Variants in RARS2 observed in about 807,000 individuals in gnomAD.
RARS2 encodes arginyl-tRNA synthetase 2, mitochondrial.
In RARS2, 67 loss-of-function variants were observed where a neutral mutation model predicts 88.5. The ratio of observed to expected loss-of-function variants is 0.76; its 90% CI spans 0.62 to 0.93. The LOEUF is 0.93. Among genes scored for constraint, RARS2 ranks in the 40% least tolerant of loss-of-function variants. The probability of loss-of-function intolerance (pLI) is 0.00; values close to 1 mark genes in which losing one functional copy is unlikely to be tolerated. For synonymous variants in RARS2, 239 were observed against 230.3 expected, an observed-to-expected ratio of 1.04 and a Z score of -0.34; for missense variants, 664 against 684.2, an observed-to-expected ratio of 0.97 and a Z score of 0.33.
chr6:87,565,281 G>C (rs1767528401), intron 2 of RARS2, among the ~76,000 whole-genome samples: 1 of 151,880 alleles, frequency 6.6e-6, no homozygotes, highest in Admixed American at 6.6e-5. Context: ...TTTAAATGTT[G>C]TAATTTGAGT....
chr6:87,584,446 G>T (rs148409715), intron 1 of RARS2, among the ~76,000 whole-genome samples: 1 of 151,990 alleles, frequency 6.6e-6, no homozygotes, highest in Non-Finnish European at 1.5e-5. Context: ...AGCAAAATAC[G>T]GCACCGTACA....
chr6:87,519,732 C>G, intron 13 of RARS2, 25 bp from the exon 14 acceptor site: 1 of 1,613,696 alleles, frequency 6.2e-7, no homozygotes, highest in South Asian at 1.1e-5. Flanking sequence ...ATCTAGTTAA[C>G]TGAAAGCTAA....
At chr6:87,565,508 T>G (rs1489011051) in intron 2 of RARS2, among the ~76,000 whole-genome samples, 1 of 152,158 alleles carries the variant, frequency 6.6e-6, no homozygotes, top group East Asian at 1.9e-4. Flanking sequence ...AACAAATATA[T>G]ATCAGTGACT....
In RARS2 at chr6:87,514,503, C is replaced by T. The variant is rs2127985873; in HGVS notation, c.1651-4G>A. The T allele has an allele frequency of 1.3e-6, 2 of 1,597,802 alleles. No individual in the cohort carries two copies. The highest frequency in any genetic ancestry group is 4.5e-5 in the East Asian group (2 of 44,706). Reference sequence around the variant, plus strand: ...CTTTGAAAAGATGAAGTCTGGCCTACAAAATAAATCAAAGAATGATTTAAA... The same window carrying T: ...CTTTGAAAAGATGAAGTCTGGCCTATAAAATAAATCAAAGAATGATTTAAA... On this transcript the variant is annotated splice_polypyrimidine_tract_variant and splice_region_variant and intron_variant, in intron 19 of 19. Coordinates refer to ENST00000369536, the MANE Select transcript of RARS2 (RefSeq NM_020320.5).
At chr6:87,580,539 T>C (rs983089325) in intron 1 of RARS2, among the ~76,000 whole-genome samples, 13 of 151,224 alleles carry the variant, frequency 8.6e-5, no homozygotes, top group African/African-American at 2.2e-4. Context: ...CTTTGGGAGG[T>C]TGAGGCGGGT....
chr6:87,537,495 T>G (rs548150747), intron 8 of RARS2, among the ~76,000 whole-genome samples: 115 of 152,310 alleles, frequency 7.6e-4, no homozygotes, highest in African/African-American at 2.7e-3. Context: ...TAATAGTTAC[T>G]TATTTCCTGG....
intron 1 of RARS2, among the ~76,000 whole-genome samples, chr6:87,571,878 A>G (rs1455490441): frequency 6.6e-6 from 1 of 152,168 alleles, no homozygotes; most frequent in Non-Finnish European, 1.5e-5. Context: ...TTGATTTTTT[A>G]AAGTTTCCTC....
intron 8 of RARS2, among the ~76,000 whole-genome samples, chr6:87,532,555 G>A (rs562320247): frequency 1.3e-5 from 2 of 152,320 alleles, no homozygotes; most frequent in South Asian, 4.1e-4. Flanking sequence ...ATTTGCTGCT[G>A]GAAGTATGTG....
chr6:87,584,804 T>C (rs1774643582), intron 1 of RARS2: 6 of 443,628 alleles, frequency 1.4e-5, no homozygotes, highest in South Asian at 8.1e-5. Context: ...TGCAGTTATC[T>C]ACCCCAAGAC....
In RARS2 at chr6:87,518,654, T is replaced by C. The variant is rs1161514736; in HGVS notation, c.1391A>G (p.Gln464Arg). ...CCTGTGGAGGCGGGCGTGTGTGTACTGTAGGAAGACTCCTGTGTCCCCGCG... is the reference window on the plus strand; with the variant it reads ...CCTGTGGAGGCGGGCGTGTGTGTACCGTAGGAAGACTCCTGTGTCCCCGCG... ...QSRGDTGVFL[Q>R]YTHARLHSLE... The change falls in exon 16 of 20, where the codon CAG (glutamine) becomes CGG (arginine). Residue 464 changes from glutamine (Q) to arginine (R), a missense_variant. Transcript: ENST00000369536. 8 of 1,613,744 alleles carry C rather than the reference T, an allele frequency of 5.0e-6. No homozygotes were observed. In the East Asian group the frequency reaches 1.1e-4, roughly 22 times the overall value.
At chr6:87,519,733 T>C in intron 13 of RARS2, 26 bp from the exon 14 acceptor site, 1 of 1,613,654 alleles carries the variant, frequency 6.2e-7, no homozygotes, top group Non-Finnish European at 8.5e-7. Context: ...TCTAGTTAAC[T>C]GAAAGCTAAA....
intron 8 of RARS2, among the ~76,000 whole-genome samples, chr6:87,536,902 G>GTCCCACGTACAAA (rs1289937505): frequency 2.6e-5 from 4 of 152,140 alleles, no homozygotes; most frequent in Admixed American, 1.3e-4. Context: ...AAAATCCTAG[G>GTCCCACGTACAAA]TCCCACGTAC....
At chr6:87,535,076 C>T (rs952248742) in intron 8 of RARS2, among the ~76,000 whole-genome samples, 12 of 152,160 alleles carry the variant, frequency 7.9e-5, no homozygotes, top group Admixed American at 5.2e-4. Context: ...CTGACTCTTA[C>T]AAGTGATAGC....
At chr6:87,546,475 A>G (rs540734381) in intron 6 of RARS2, among the ~76,000 whole-genome samples, 1 of 152,258 alleles carries the variant, frequency 6.6e-6, no homozygotes, top group East Asian at 1.9e-4. Context: ...GCCACCAAAG[A>G]AATTGAAAGT....
intron 1 of RARS2, among the ~76,000 whole-genome samples, chr6:87,586,724 T>C (rs1421832755): frequency 6.6e-6 from 1 of 152,160 alleles, no homozygotes. Context: ...ATTCCTAAAC[T>C]ATTATAGCAA....
chr6:87,588,088 T>C (rs913884168), intron 1 of RARS2, among the ~76,000 whole-genome samples: 1 of 152,150 alleles, frequency 6.6e-6, no homozygotes, highest in Non-Finnish European at 1.5e-5. Context: ...TTACAGTCTT[T>C]ACAAAGAACA....
intron 2 of RARS2, among the ~76,000 whole-genome samples, chr6:87,568,831 T>C (rs757236856): frequency 1.3e-5 from 2 of 152,336 alleles, no homozygotes; most frequent in South Asian, 4.1e-4. Context: ...GTACTGGTAA[T>C]TATATCTTAA....
At chr6:87,525,549 CTT>C (rs71554728) in intron 10 of RARS2, among the ~76,000 whole-genome samples, 14 of 142,110 alleles carry the variant, frequency 9.9e-5, no homozygotes, top group Non-Finnish European at 4.6e-5. Context: ...GCCTTTTTTT[CTT>C]TTTTTTTTTT....
At chr6:87,529,685 T>G in intron 9 of RARS2, 37 bp from the exon 10 acceptor site, 1 of 1,429,928 alleles carries the variant, frequency 7.0e-7, no homozygotes, top group South Asian at 1.1e-5. Flanking sequence ...AAAGAAATGT[T>G]AATTGAATCT....
Sources: allele counts gnomAD v4.1 joint callset (sites outside exome capture counted in the v4.1 genomes callset), GRCh38; gene constraint gnomAD v4.1.1; transcripts MANE v1.5; gene names NCBI Gene and HGNC (gene_info 2026-07-23, HGNC 2026-07-21).